ESR1: variants seen among roughly 807,000 people sequenced by gnomAD.
ESR1 encodes estrogen receptor.
ESR1 carries 12 observed loss-of-function variants against 52.7 expected under a neutral mutation model. The ratio of observed to expected loss-of-function variants is 0.23; its 90% CI spans 0.15 to 0.37. The LOEUF (loss-of-function observed/expected upper bound fraction) is 0.37, where lower values mean the gene tolerates loss of function less well. Among genes scored for constraint, ESR1 ranks in the 10% least tolerant of loss-of-function variants. The pLI is 1.00. For synonymous variants in ESR1, 305 were observed against 316.8 expected (o/e 0.96, Z 0.39); for missense variants, 584 against 779.7 (o/e 0.75, Z 2.99).
At chr6:151,821,672 A>G (rs532907466) in intron 1 of ESR1, among the ~76,000 whole-genome samples, 1 of 152,250 alleles carries the variant, frequency 6.6e-6, no homozygotes, top group Non-Finnish European at 1.5e-5. Flanking sequence ...GCATTATTTC[A>G]TTATAGATAT....
intron 5 of ESR1, among the ~76,000 whole-genome samples, chr6:152,057,468 A>G (rs1182485500): frequency 6.6e-6 from 1 of 152,198 alleles, no homozygotes; most frequent in African/African-American, 2.4e-5. Flanking sequence ...AGAATATATC[A>G]GGATAAACTT....
At chr6:151,964,852 C>A (rs1400676019) in intron 4 of ESR1, among the ~76,000 whole-genome samples, 2 of 152,128 alleles carry the variant, frequency 1.3e-5, no homozygotes, top group East Asian at 1.9e-4. Flanking sequence ...CTGTGTTAGC[C>A]AGGATGGTCT....
At chr6:152,125,162 A>T (rs1023505744) in intron 6 of ESR1, 1 of 1,372,706 alleles carries the variant, frequency 7.3e-7, no homozygotes, top group Non-Finnish European at 9.8e-7. Context: ...GCAGGGACTC[A>T]GGCTTCCAAA....
rs910956735 is a variant in ESR1, at chr6:152,099,558, G to A, written c.*592G>A. The A allele has an allele frequency of 4.6e-5, 11 of 241,096 alleles. No individual in the cohort carries two copies. The highest frequency in any genetic ancestry group is 2.4e-4 in the African/African-American group (11 of 45,422). The allele number at this position is 241,096 out of a possible 1,614,324, so 14.9% of individuals were successfully genotyped here. A position where few individuals can be genotyped will look rare whatever the true frequency, so the allele number is the denominator to read the frequency against. ...GATTGTCAATTCATTCCCCCTATAG[G>A]AATACAAGGGGCACACAGGGAAGGC... On this transcript the variant is annotated 3_prime_UTR_variant, in exon 8 of 8. Transcript: ENST00000206249.
At chr6:151,931,750 A>C (rs567908056) in intron 3 of ESR1, among the ~76,000 whole-genome samples, 1 of 144,796 alleles carries the variant, frequency 6.9e-6, no homozygotes, top group Admixed American at 6.9e-5. Context: ...ATGATTTCCA[A>C]TTTCATCCAT....
chr6:151,817,441 A>G (rs1779842838), intron 1 of ESR1, among the ~76,000 whole-genome samples: 1 of 152,166 alleles, frequency 6.6e-6, no homozygotes, highest in Non-Finnish European at 1.5e-5. Flanking sequence ...TGTTCTAACC[A>G]TGAGGAGCAC....
chr6:151,817,604 C>T (rs751093311), intron 1 of ESR1, among the ~76,000 whole-genome samples: 5 of 152,064 alleles, frequency 3.3e-5, no homozygotes, highest in African/African-American at 4.8e-5. Context: ...CAAGACTGGC[C>T]GTTGCATTTG....
intron 5 of ESR1, among the ~76,000 whole-genome samples, chr6:152,055,211 AT>A (rs1426166554): frequency 6.6e-6 from 1 of 152,082 alleles, no homozygotes; most frequent in Non-Finnish European, 1.5e-5. Flanking sequence ...CAGTAGTGGG[AT>A]TATTGGATCA....
chr6:151,839,739 G>A (rs1050816648), intron 1 of ESR1, among the ~76,000 whole-genome samples: 5 of 152,146 alleles, frequency 3.3e-5, no homozygotes, highest in Non-Finnish European at 4.4e-5. Flanking sequence ...ACTTAATGAG[G>A]TATCTAGAAT....
chr6:151,972,697 A>G (rs2039032332), intron 4 of ESR1, among the ~76,000 whole-genome samples: 1 of 152,192 alleles, frequency 6.6e-6, no homozygotes. Context: ...GGACAGAACT[A>G]ATAGGATAGA....
chr6:152,036,298 T>C (rs2045301402), intron 5 of ESR1, among the ~76,000 whole-genome samples: 1 of 152,160 alleles, frequency 6.6e-6, no homozygotes, highest in Non-Finnish European at 1.5e-5. Flanking sequence ...AGGCGGAGCT[T>C]GCAGTGAGCT....
At chr6:151,692,072 G>C (rs1313420996) in intron 1 of ESR1, among the ~76,000 whole-genome samples, 5 of 152,158 alleles carry the variant, frequency 3.3e-5, no homozygotes, top group African/African-American at 1.2e-4. Flanking sequence ...GATTTTTCTT[G>C]GACATTTGGA....
chr6:152,032,869 C>A (rs1011126804), intron 5 of ESR1, among the ~76,000 whole-genome samples: 3 of 152,212 alleles, frequency 2.0e-5, no homozygotes, highest in Non-Finnish European at 4.4e-5. Flanking sequence ...CTGGAGGCAT[C>A]ATGCTACCTG....
intron 6 of ESR1, among the ~76,000 whole-genome samples, chr6:152,068,230 A>G (rs569234063): frequency 1.3e-5 from 2 of 152,234 alleles, no homozygotes; most frequent in African/African-American, 4.8e-5. Context: ...AACGTCCATC[A>G]TTTGGATTTG....
chr6:152,063,783 A>G lies in ESR1; in HGVS notation c.1369+2659A>G, dbSNP rs148572442. Among the ~76,000 whole-genome samples the G allele has an allele frequency of 1.6e-4, 24 of 152,272 alleles. No homozygotes were observed. The East Asian group carries it at 4.5e-3, about 28-fold the overall frequency. On this transcript the variant is annotated intron_variant, in intron 6 of 7. Transcript: ENST00000206249. ...GGAAACGGCTCAGGAAACCTGAGCT[A>G]GAAGATGCCTTTCTGACACCTGGGA...
chr6:151,947,876 T>TA (rs2035887328), intron 4 of ESR1, among the ~76,000 whole-genome samples: 2 of 150,606 alleles, frequency 1.3e-5, no homozygotes, highest in South Asian at 2.1e-4. Flanking sequence ...ATGTTTTTTT[T>TA]ATAACACATA....
At chr6:152,059,315 AT>A (rs1217565268) in intron 5 of ESR1, among the ~76,000 whole-genome samples, 3 of 151,850 alleles carry the variant, frequency 2.0e-5, no homozygotes, top group Admixed American at 2.0e-4. Flanking sequence ...TATATGTAAA[AT>A]TTTTTTATTT....
intron 2 of ESR1, among the ~76,000 whole-genome samples, chr6:151,788,337 C>A (rs559919443): frequency 1.3e-5 from 2 of 152,260 alleles, no homozygotes; most frequent in African/African-American, 2.4e-5. Context: ...ATGTGGCCAA[C>A]AAGCATATGA....
At chr6:151,790,703 T>C (rs1208503125) in intron 2 of ESR1, among the ~76,000 whole-genome samples, 1 of 152,094 alleles carries the variant, frequency 6.6e-6, no homozygotes, top group Non-Finnish European at 1.5e-5. Flanking sequence ...ATTTTGTTTA[T>C]ATACACACAT....
Sources: allele counts gnomAD v4.1 joint callset (sites outside exome capture counted in the v4.1 genomes callset), GRCh38; gene constraint gnomAD v4.1.1; transcripts MANE v1.5; gene names NCBI Gene and HGNC (gene_info 2026-07-23, HGNC 2026-07-21).